Variants in CA9 observed in about 807,000 individuals in gnomAD.
The protein encoded by CA9 is CA-IX.
Under a neutral mutation model 51.8 loss-of-function variants are expected in CA9, and 43 were observed. The ratio of observed to expected loss-of-function variants is 0.83; its 90% CI spans 0.65 to 1.07. CA9 has a LOEUF of 1.07. CA9 is among the 50% of genes least tolerant of loss of function. The pLI is 0.00. For synonymous variants in CA9, 253 were observed against 244.2 expected (o/e 1.04, Z -0.34); for missense variants, 574 against 581.4 (o/e 0.99, Z 0.13).
At position 35,676,300 on chromosome 9, in the gene CA9, C is replaced by T. The variant is rs774147206; in HGVS notation, c.751C>T (p.His251Tyr). Residue 251 changes from histidine (H) to tyrosine (Y), a missense_variant, in exon 5 of 11, where the codon CAC becomes TAC. His to Tyr is a moderately conservative substitution (Grantham distance 83). Coordinates refer to ENST00000378357, the MANE Select transcript of CA9 (RefSeq NM_001216.3). ...CCTACCCTCGTGTCCTTTTCAGATCCACGTGGTTCACCTCAGCACCGCCTT... is the reference window on the plus strand; with the variant it reads ...CCTACCCTCGTGTCCTTTTCAGATCTACGTGGTTCACCTCAGCACCGCCTT... ...VEGHRFPAEI[H>Y]VVHLSTAFAR... The T allele has an allele frequency of 3.5e-5, 56 of 1,614,100 alleles. No individual in the cohort carries two copies. The South Asian group carries it at 6.1e-4, about 18-fold the overall frequency.
Position 35,676,077 on chromosome 9 carries a change from GC to G in CA9, c.620del (p.Pro207LeufsTer4). On this transcript the variant is annotated frameshift_variant, in exon 4 of 11. Coordinates refer to ENST00000378357, the MANE Select transcript of CA9 (RefSeq NM_001216.3). LOFTEE classifies it high-confidence loss of function. ...NNGHSVQLTL[P>X]PGLEMALGPG... ...CTCCCTACGCAGTGCAACTGACCCT[GC>G]CTCCTGGGCTAGAGATGGCTCTGGG... The G allele has an allele frequency of 6.2e-7, 1 of 1,613,302 alleles. No homozygotes were observed. Among genetic ancestry groups the G allele is most frequent in the Non-Finnish European group, 8.5e-7 (1 of 1,179,806 alleles).
Position 35,676,394 on chromosome 9 carries a change from C to A in CA9, c.840+5C>A, listed in dbSNP as rs760666270. 1 of 1,610,130 alleles carries A rather than the reference C, an allele frequency of 6.2e-7. No individual in the cohort carries two copies. The highest frequency in any genetic ancestry group is 1.1e-5 in the South Asian group (1 of 90,756). ...GTGTTGGCCGCCTTTCTGGAGGTACCAGATCCTGGACACCCCCTACTCCCC... is the reference window on the plus strand; with the variant it reads ...GTGTTGGCCGCCTTTCTGGAGGTACAAGATCCTGGACACCCCCTACTCCCC... On this transcript the variant is annotated splice_donor_5th_base_variant and intron_variant, in intron 5 of 10. Coordinates refer to ENST00000378357, the MANE Select transcript of CA9 (RefSeq NM_001216.3).
At chr9:35,675,658 T>G in intron 2 of CA9, 91 bp downstream of exon 2, 1 of 1,407,084 alleles carries the variant, frequency 7.1e-7, no homozygotes, top group Non-Finnish European at 1.0e-6. Flanking sequence ...GTCCCGGGCG[T>G]CCCACCCGCC....
chr9:35,675,658 T>TACCCC, intron 2 of CA9, 91 bp downstream of exon 2: 1 of 1,407,090 alleles, frequency 7.1e-7, no homozygotes, highest in South Asian at 1.2e-5. Context: ...GTCCCGGGCG[T>TACCCC]CCCACCCGCC....
intron 1 of CA9, 76 bp downstream of exon 1, chr9:35,674,438 G>C (rs1824378796): frequency 7.1e-7 from 1 of 1,407,084 alleles, no homozygotes; most frequent in African/African-American, 1.4e-5. Flanking sequence ...CCTAGGCTCT[G>C]TTCACTCAGG....
chr9:35,680,860 C>T, intron 10 of CA9, 26 bp downstream of exon 10: 1 of 1,612,274 alleles, frequency 6.2e-7, no homozygotes, highest in Non-Finnish European at 8.5e-7. Flanking sequence ...TTTCTTCAGG[C>T]ACAAGCTTCC....
In CA9 at chr9:35,674,168, A is replaced by G; in HGVS notation, c.209A>G (p.Asp70Gly). 2 of 1,614,142 alleles carry G rather than the reference A, an allele frequency of 1.2e-6. No homozygotes were observed. Among genetic ancestry groups the G allele is most frequent in the African/African-American group, 2.7e-5 (2 of 75,034 alleles). The change falls in exon 1 of 11, where the codon GAT becomes GGT. Residue 70 changes from aspartate (D) to glycine (G), a missense_variant. Coordinates refer to ENST00000378357, the MANE Select transcript of CA9 (RefSeq NM_001216.3). ...LGEEDLPSEE[D>G]SPREEDPPGE... is the part of the protein sequence containing the mutation. ...GAGGAGGATCTGCCCAGTGAAGAGG[A>G]TTCACCCAGAGAGGAGGATCCACCC...
chr9:35,676,000 G>A (rs1320611220), intron 3 of CA9, 64 bp from the exon 4 acceptor site: 5 of 1,603,930 alleles, frequency 3.1e-6, no homozygotes, highest in Non-Finnish European at 3.4e-6. Flanking sequence ...TCGCGGCAGT[G>A]CCTGCCCGGG....
At chr9:35,678,363 A>AG (rs1365063469) in intron 6 of CA9, among the ~76,000 whole-genome samples, 1 of 151,320 alleles carries the variant, frequency 6.6e-6, no homozygotes, top group Non-Finnish European at 1.5e-5. Flanking sequence ...AAAAAAAAAA[A>AG]AGAAAACCAA....
chr9:35,675,943 T>TC lies in CA9; in HGVS notation c.604+16dup. On this transcript the variant is annotated intron_variant, in intron 3 of 10. Transcript: ENST00000378357. Reference sequence around the variant, plus strand: ...CAATGGCCACAGTGGTGAGGGGGTCTCCCCGCCGAGACTTGGGGATGGGGC... The same window carrying TC: ...CAATGGCCACAGTGGTGAGGGGGTCTCCCCCGCCGAGACTTGGGGATGGGGC... The TC allele has an allele frequency of 6.3e-7, 1 of 1,585,222 alleles. No individual in the cohort carries two copies.
In CA9 at chr9:35,681,101, A is replaced by C. The variant is rs1304925296; in HGVS notation, c.*76A>C. On this transcript the variant is annotated 3_prime_UTR_variant, in exon 11 of 11. Coordinates refer to ENST00000378357, the MANE Select transcript of CA9 (RefSeq NM_001216.3). ...AGCCGGTAACTGTCCTGTCCTGCTC[A>C]TTATGCCACTTCCTTTTAACTGCCA... 1.3e-5 allele frequency: 15 copies of C among 1,112,932 alleles called. No individual in the cohort carries two copies. Among genetic ancestry groups the C allele is most frequent in the Non-Finnish European group, 1.6e-5 (13 of 790,044 alleles). 68.9% of individuals were successfully genotyped at this position (1,112,932 alleles called of 1,614,324 possible). A position where few individuals can be genotyped will look rare whatever the true frequency, so the allele number is the denominator to read the frequency against.
chr9:35,677,867 T>C lies in CA9; in HGVS notation c.907+11T>C. On this transcript the variant is annotated intron_variant, in intron 6 of 10. Coordinates refer to ENST00000378357, the MANE Select transcript of CA9 (RefSeq NM_001216.3). ...AAATCGCTGAGGAAGGTCAGTTTGT[T>C]GGTCTGGCCACTAATCTCTGTGGCC... The C allele has an allele frequency of 6.2e-7, 1 of 1,612,762 alleles. No individual in the cohort carries two copies. Among genetic ancestry groups the C allele is most frequent in the Non-Finnish European group, 8.5e-7 (1 of 1,178,738 alleles).
chr9:35,681,067 C>T lies in CA9; in HGVS notation c.*42C>T. 2 of 1,577,368 alleles carry T rather than the reference C, an allele frequency of 1.3e-6. No individual in the cohort carries two copies. Among genetic ancestry groups the T allele is most frequent in the Non-Finnish European group, 1.7e-6 (2 of 1,150,604 alleles). ...AATGTGAGAAGCCAGCCAGAGGCAT[C>T]TGAGGGGGAGCCGGTAACTGTCCTG... On this transcript the variant is annotated 3_prime_UTR_variant, in exon 11 of 11. Transcript: ENST00000378357.
At position 35,673,949 on chromosome 9, in the gene CA9, C is replaced by T; in HGVS notation, c.-11C>T. 6.3e-7 allele frequency: 1 copy of T among 1,584,366 alleles called. No homozygotes were observed. The highest frequency in any genetic ancestry group is 1.7e-5 in the Admixed American group (1 of 57,310). On this transcript the variant is annotated 5_prime_UTR_variant, in exon 1 of 11. Transcript: ENST00000378357. ...ACACACCGTGTGCTGGGACACCCCA[C>T]AGTCAGCCGCATGGCTCCCCTGTGC... is the stretch of plus-strand genomic sequence containing the variant.
chr9:35,676,634 A>G lies in CA9; in HGVS notation c.840+245A>G, dbSNP rs549925569. On this transcript the variant is annotated intron_variant, in intron 5 of 10. Coordinates refer to ENST00000378357, the MANE Select transcript of CA9 (RefSeq NM_001216.3). ...AGCCAGTGGGGGAGGCTGACATGAC[A>G]GACACATAGGAAGGACATAGTAAAG... Among the ~76,000 whole-genome samples, 20 of 152,340 alleles carry G rather than the reference A, an allele frequency of 1.3e-4. No homozygotes were observed. The South Asian group carries it at 3.9e-3, about 30-fold the overall frequency.
Position 35,680,152 on chromosome 9 carries a change from C to G in CA9, c.1237+13C>G, listed in dbSNP as rs2131840688. On this transcript the variant is annotated intron_variant, in intron 9 of 10. Transcript: ENST00000378357. ...TGCCTGGCTGCTGGTGAGTCTGCCCCTCCTCTTGGTCCTGATGCCAGGAGA... is the reference window on the plus strand; with the variant it reads ...TGCCTGGCTGCTGGTGAGTCTGCCCGTCCTCTTGGTCCTGATGCCAGGAGA... The G allele has an allele frequency of 6.2e-7, 1 of 1,614,196 alleles. No individual in the cohort carries two copies. Among genetic ancestry groups the G allele is most frequent in the Non-Finnish European group, 8.5e-7 (1 of 1,180,042 alleles).
chr9:35,674,184 G>A lies in CA9; in HGVS notation c.225G>A (p.Glu75=). The A allele has an allele frequency of 6.2e-7, 1 of 1,614,052 alleles. No homozygotes were observed. The highest frequency in any genetic ancestry group is 2.2e-5 in the East Asian group (1 of 44,880). ...GTGAAGAGGATTCACCCAGAGAGGAGGATCCACCCGGAGAGGAGGATCTAC... is the reference window on the plus strand; with the variant it reads ...GTGAAGAGGATTCACCCAGAGAGGAAGATCCACCCGGAGAGGAGGATCTAC... ...LPSEEDSPRE[E]DPPGEEDLPG... is the part of the protein sequence containing the mutation. The change falls in exon 1 of 11, where the codon GAG becomes GAA. Residue 75 remains glutamate (E), a synonymous_variant. Coordinates refer to ENST00000378357, the MANE Select transcript of CA9 (RefSeq NM_001216.3).
intron 5 of CA9, 138 bp from the exon 6 acceptor site, chr9:35,677,652 C>T (rs1345701676): frequency 1.5e-6 from 1 of 655,632 alleles, no homozygotes; most frequent in African/African-American, 1.8e-5. Flanking sequence ...AAAGCAACAA[C>T]CATTACAATT....
In CA9 at chr9:35,675,576, C is replaced by T; in HGVS notation, c.433+9C>T. On this transcript the variant is annotated intron_variant, in intron 2 of 10. Transcript: ENST00000378357. ...TCATTGGCGCTATGGAGGTGAGACA[C>T]CCACCCGCTGCACAGACCCAATCTG... The T allele has an allele frequency of 6.2e-7, 1 of 1,613,894 alleles. No individual in the cohort carries two copies. Among genetic ancestry groups the T allele is most frequent in the East Asian group, 2.2e-5 (1 of 44,886 alleles).
Sources: allele counts gnomAD v4.1 joint callset (sites outside exome capture counted in the v4.1 genomes callset), GRCh38; gene constraint gnomAD v4.1.1; transcripts MANE v1.5; gene names NCBI Gene and HGNC (gene_info 2026-07-23, HGNC 2026-07-21).